Variants in CIBAR1 observed in about 807,000 individuals in gnomAD.
CIBAR1 encodes CBY1 interacting BAR domain containing 1.
Under a neutral mutation model 44.0 loss-of-function variants are expected in CIBAR1, and 25 were observed. That is an observed-to-expected ratio of 0.57 (90% CI 0.41 to 0.79). The LOEUF is 0.79. Ranked by LOEUF, CIBAR1 falls within the 30% of genes least tolerant of loss-of-function variation. The probability of loss-of-function intolerance (pLI) is 0.00; values close to 1 mark genes in which losing one functional copy is unlikely to be tolerated. For synonymous variants in CIBAR1, 115 were observed against 119.0 expected, an observed-to-expected ratio of 0.97 and a Z score of 0.22; for missense variants, 278 against 344.8, an observed-to-expected ratio of 0.81 and a Z score of 1.53.
chr8:93,709,662 T>A (rs898617519), intron 5 of CIBAR1, 109 bp from the exon 6 acceptor site: 4 of 799,680 alleles, frequency 5.0e-6, no homozygotes, highest in Admixed American at 4.0e-5. Flanking sequence ...CAATTTACAC[T>A]GTTATGCCAA....
intron 7 of CIBAR1, among the ~76,000 whole-genome samples, chr8:93,721,745 G>A (rs114597470): frequency 0.031 from 4,694 of 152,146 alleles, 227 homozygotes; most frequent in African/African-American, 0.11. Context: ...AGTTGTCAAA[G>A]CAGTAACTTT....
intron 3 of CIBAR1, among the ~76,000 whole-genome samples, chr8:93,704,450 G>A (rs1410435841): frequency 2.0e-5 from 3 of 152,150 alleles, no homozygotes; most frequent in Non-Finnish European, 4.4e-5. Flanking sequence ...ATCTGATGCT[G>A]CCTCTGATCT....
At chr8:93,705,287 T>C in intron 4 of CIBAR1, 1 of 402,924 alleles carries the variant, frequency 2.5e-6, no homozygotes, top group Non-Finnish European at 4.4e-6. Context: ...TTTCTGAATT[T>C]TATTTTCACA....
intron 8 of CIBAR1, chr8:93,727,169 G>C: frequency 7.8e-7 from 1 of 1,289,178 alleles, no homozygotes; most frequent in Non-Finnish European, 1.0e-6. Flanking sequence ...CCCTGATCTA[G>C]AGAGCTATGC....
intron 4 of CIBAR1, among the ~76,000 whole-genome samples, chr8:93,707,796 CAGAG>C (rs1278046279): frequency 6.6e-6 from 1 of 151,902 alleles, no homozygotes; most frequent in Non-Finnish European, 1.5e-5. Context: ...TATACAAACA[CAGAG>C]AGGTATAAAT....
chr8:93,708,653 T>C (rs1563642089), intron 5 of CIBAR1, among the ~76,000 whole-genome samples: 1 of 152,184 alleles, frequency 6.6e-6, no homozygotes, highest in Non-Finnish European at 1.5e-5. Context: ...CAGTGTAACA[T>C]GGTTGTCTTG....
intron 7 of CIBAR1, among the ~76,000 whole-genome samples, chr8:93,723,989 C>T (rs1051268513): frequency 6.6e-6 from 1 of 152,098 alleles, no homozygotes; most frequent in Non-Finnish European, 1.5e-5. Context: ...CTCAGCATTA[C>T]GGGAGGCTGA....
intron 4 of CIBAR1, among the ~76,000 whole-genome samples, chr8:93,705,778 T>A (rs560659482): frequency 1.3e-5 from 2 of 152,090 alleles, no homozygotes; most frequent in South Asian, 2.1e-4. Context: ...AGTGAAACCC[T>A]GTCTTTACTA....
intron 6 of CIBAR1, among the ~76,000 whole-genome samples, chr8:93,713,270 T>G (rs1489003549): frequency 6.6e-6 from 1 of 152,080 alleles, no homozygotes; most frequent in Non-Finnish European, 1.5e-5. Flanking sequence ...TGACCTCAGG[T>G]GATCTGCCCA....
Position 93,700,578 on chromosome 8 carries a change from C to T in CIBAR1, c.-70C>T, listed in dbSNP as rs964061488. On this transcript the variant is annotated 5_prime_UTR_variant, in exon 1 of 9. Transcript: ENST00000518322. The stretch of plus-strand genomic sequence containing the variant: ...CTCCCGGCGGCTGCTTGCGCCCCAG[C>T]GCGCGCCCAGGCGCCTTGGAATCCC... The T allele has an allele frequency of 5.2e-5, 74 of 1,412,446 alleles. No homozygotes were observed. The Admixed American group carries it at 5.4e-4, about 10-fold the overall frequency. The allele number at this position is 1,412,446 out of a possible 1,614,324, so 87.5% of individuals were successfully genotyped here.
chr8:93,723,789 GAAGA>G (rs1359003657), intron 7 of CIBAR1, among the ~76,000 whole-genome samples: 1 of 152,148 alleles, frequency 6.6e-6, no homozygotes, highest in Non-Finnish European at 1.5e-5. Context: ...GGGGAATGCA[GAAGA>G]AAGATGGCGT....
chr8:93,730,567 TTC>T lies in CIBAR1; in HGVS notation c.*2272_*2273del, dbSNP rs1811750680. 1 of 152,194 alleles carries T rather than the reference TTC, an allele frequency of 6.6e-6. No individual in the cohort carries two copies. Among genetic ancestry groups the T allele is most frequent in the Admixed American group, 6.5e-5 (1 of 15,272 alleles). 9.4% of individuals were successfully genotyped at this position (152,194 alleles called of 1,614,324 possible). A position where few individuals can be genotyped will look rare whatever the true frequency, so the allele number is the denominator to read the frequency against. On this transcript the variant is annotated 3_prime_UTR_variant, in exon 9 of 9. Transcript: ENST00000518322. Reference sequence around the variant, plus strand: ...GTGATGTGTACATGAAAATTTACTATTCTTTTTTTATATTTGAAATTGATGAG... The same window carrying T: ...GTGATGTGTACATGAAAATTTACTATTTTTTTTATATTTGAAATTGATGAG...
In CIBAR1 at chr8:93,729,635, A is replaced by T. The variant is rs2130412533; in HGVS notation, c.*1338A>T. On this transcript the variant is annotated 3_prime_UTR_variant, in exon 9 of 9. Transcript: ENST00000518322. ...ACTATCCATGAAAATACTTTCATTA[A>T]TGTAAAATTTTCATTATTTAGACCA... 1 of 152,342 alleles carries T rather than the reference A, an allele frequency of 6.6e-6. No homozygotes were observed. Among genetic ancestry groups the T allele is most frequent in the Middle Eastern group, 3.4e-3 (1 of 294 alleles). The allele number at this position is 152,342 out of a possible 1,614,324, so 9.4% of individuals were successfully genotyped here.
At chr8:93,718,041 A>C (rs1490578794) in intron 6 of CIBAR1, among the ~76,000 whole-genome samples, 2 of 152,182 alleles carry the variant, frequency 1.3e-5, no homozygotes, top group African/African-American at 4.8e-5. Context: ...CAATAGCAAA[A>C]AAACCTTAAA....
intron 5 of CIBAR1, among the ~76,000 whole-genome samples, 181 bp downstream of exon 5, chr8:93,708,197 T>G (rs1441649589): frequency 2.0e-5 from 3 of 152,184 alleles, no homozygotes; most frequent in Non-Finnish European, 4.4e-5. Context: ...ATGATATATG[T>G]GACTTTTGAG....
chr8:93,710,857 T>G (rs1426900508), intron 6 of CIBAR1, among the ~76,000 whole-genome samples: 1 of 145,276 alleles, frequency 6.9e-6, no homozygotes, highest in Non-Finnish European at 1.5e-5. Flanking sequence ...AAAAAAGAAA[T>G]TAAGCAGAGA....
intron 2 of CIBAR1, 163 bp downstream of exon 2, chr8:93,701,621 C>G (rs1309697510): frequency 4.6e-6 from 3 of 648,490 alleles, no homozygotes; most frequent in Non-Finnish European, 8.0e-6. Flanking sequence ...TAAAGAGAAG[C>G]GTTCTGTGTT....
In CIBAR1 at chr8:93,729,606, G is replaced by A. The variant is rs778546288; in HGVS notation, c.*1309G>A. The A allele has an allele frequency of 1.4e-4, 21 of 152,056 alleles. No individual in the cohort carries two copies. The highest frequency in any genetic ancestry group is 2.6e-4 in the Non-Finnish European group (18 of 67,978). 9.4% of individuals were successfully genotyped at this position (152,056 alleles called of 1,614,324 possible). ...CAAAGAAATATTCTAAGAACAAAAG[G>A]AATACTATCCATGAAAATACTTTCA... On this transcript the variant is annotated 3_prime_UTR_variant, in exon 9 of 9. Coordinates refer to ENST00000518322, the MANE Select transcript of CIBAR1 (RefSeq NM_145269.5).
intron 6 of CIBAR1, among the ~76,000 whole-genome samples, chr8:93,714,389 C>A (rs1810957492): frequency 6.6e-6 from 1 of 152,086 alleles, no homozygotes; most frequent in Non-Finnish European, 1.5e-5. Flanking sequence ...CATATAAATT[C>A]TGTTTTCTGC....
Sources: gnomAD v4.1 joint callset for allele counts (sites outside exome capture counted in the v4.1 genomes callset) on GRCh38, gnomAD v4.1.1 for gene constraint, MANE v1.5 for transcripts, NCBI Gene and HGNC (gene_info 2026-07-23, HGNC 2026-07-21) for gene names.